The following FAM181A variants were observed in gnomAD, a reference collection of about 807,000 sequenced individuals.
The protein encoded by FAM181A is protein FAM181A.
In FAM181A, 7 loss-of-function variants were observed where a neutral mutation model predicts 16.3. The ratio of observed to expected loss-of-function variants is 0.43; its 90% CI spans 0.24 to 0.81. FAM181A has a LOEUF of 0.81. Ranked by LOEUF, FAM181A falls within the 30% of genes least tolerant of loss-of-function variation. The pLI, the probability that FAM181A is intolerant of heterozygous loss-of-function variation, is 0.24. For missense variants in FAM181A, 349 were observed against 377.5 expected (o/e 0.92, Z 0.63); for synonymous variants, 183 against 164.9 (o/e 1.11, Z -0.84).
Position 93,928,213 on chromosome 14 carries a change from C to T in FAM181A, c.-73C>T. 1 of 1,613,204 alleles carries T rather than the reference C, an allele frequency of 6.2e-7. No individual in the cohort carries two copies. Among genetic ancestry groups the T allele is most frequent in the South Asian group, 1.1e-5 (1 of 91,062 alleles). On this transcript the variant is annotated 5_prime_UTR_variant, in exon 2 of 2. Coordinates refer to ENST00000556222, the MANE Select transcript of FAM181A (RefSeq NM_001207073.2). The stretch of plus-strand genomic sequence containing the variant: ...TTGTCCCCCAGGTCAGCTCGGTGCC[C>T]TTCCTTGGAGCTGCCGGCCACCAGC...
upstream of FAM181A, chr14:93,927,264 A>G: frequency 9.9e-7 from 1 of 1,011,612 alleles, no homozygotes; most frequent in Non-Finnish European, 1.2e-6. Context: ...GATGCTTTGT[A>G]TCTGGAGAGG....
In FAM181A at chr14:93,928,604, G is replaced by T. The variant is rs755614364; in HGVS notation, c.319G>T (p.Glu107Ter). ...GGTGCTGAGGAACCCCTACAGGGAG[G>T]AATGTCTTGCTAAGGAGCAGCTCCC... ...EKVLRNPYREECLAKEQLPQR... is the reference protein window; with the variant it reads ...EKVLRNPYRE Residue 107 changes from glutamate (E) to a stop codon, truncating the protein, a stop_gained, in exon 2 of 2, where the codon GAA becomes TAA. Coordinates refer to ENST00000556222, the MANE Select transcript of FAM181A (RefSeq NM_001207073.2). LOFTEE classifies it high-confidence loss of function. 1.2e-6 allele frequency: 2 copies of T among 1,613,958 alleles called. No homozygotes were observed. Among genetic ancestry groups the T allele is most frequent in the South Asian group, 1.1e-5 (1 of 91,086 alleles).
Position 93,927,453 on chromosome 14 carries a change from C to T in FAM181A, c.-89C>T, listed in dbSNP as rs374430131. 598 of 1,226,094 alleles carry T rather than the reference C, an allele frequency of 4.9e-4. 5 individuals carry two copies. In the East Asian group the frequency reaches 0.024, roughly 49 times the overall value. 76.0% of individuals were successfully genotyped at this position (1,226,094 alleles called of 1,614,324 possible). A position where few individuals can be genotyped will look rare whatever the true frequency, so the allele number is the denominator to read the frequency against. ...GTTGGTGGGGCCTGGGCCGCACCTT[C>T]GGTCAGTGTGGAGGCCCGGTGGCTC... On this transcript the variant is annotated splice_region_variant and 5_prime_UTR_variant, in exon 1 of 2. Coordinates refer to ENST00000556222, the MANE Select transcript of FAM181A (RefSeq NM_001207073.2).
chr14:93,919,707 G>A (rs1235103130), intron 1 of FAM181A, among the ~76,000 whole-genome samples: 1 of 152,156 alleles, frequency 6.6e-6, no homozygotes, highest in Non-Finnish European at 1.5e-5. Context: ...TGCCGAGAAA[G>A]TCCCACATAG....
rs150198804 is a variant in FAM181A, at chr14:93,929,168, C to G, written c.*4C>G. ...CAATGTCTTTGGCTACCTCTAGCCA[C>G]GCGGAGAGGGCCTCAGCCCCCACCT... On this transcript the variant is annotated 3_prime_UTR_variant, in exon 2 of 2. Coordinates refer to ENST00000556222, the MANE Select transcript of FAM181A (RefSeq NM_001207073.2). The G allele has an allele frequency of 4.0e-6, 6 of 1,512,628 alleles. No individual in the cohort carries two copies. The East Asian group carries it at 1.1e-4, about 29-fold the overall frequency. The allele number at this position is 1,512,628 out of a possible 1,614,324, so 93.7% of individuals were successfully genotyped here. A position where few individuals can be genotyped will look rare whatever the true frequency, so the allele number is the denominator to read the frequency against.
In FAM181A at chr14:93,927,367, G is replaced by C; in HGVS notation, c.-175G>C. 8.8e-7 allele frequency: 1 copy of C among 1,133,640 alleles called. No individual in the cohort carries two copies. The highest frequency in any genetic ancestry group is 1.1e-6 in the Non-Finnish European group (1 of 912,854). 70.2% of individuals were successfully genotyped at this position (1,133,640 alleles called of 1,614,324 possible). On this transcript the variant is annotated 5_prime_UTR_variant, in exon 1 of 2. Transcript: ENST00000556222. The stretch of plus-strand genomic sequence containing the variant: ...TTGCACAACTGCTTCCAGCCGGACG[G>C]AGCTCGGCCGGCTGCGCCGGGGCCT...
upstream of FAM181A, among the ~76,000 whole-genome samples, chr14:93,924,628 G>A (rs1333023221): frequency 1.5e-4 from 23 of 152,218 alleles, no homozygotes; most frequent in African/African-American, 4.8e-5. Context: ...ATATTCCTGA[G>A]TTGGGAAGGT....
intron 1 of FAM181A, among the ~76,000 whole-genome samples, chr14:93,919,619 AG>A (rs1887649176): frequency 1.3e-5 from 2 of 152,234 alleles, no homozygotes; most frequent in East Asian, 3.8e-4. Flanking sequence ...TGTACATAGT[AG>A]GTGTCCACTA....
At chr14:93,919,243 A>C (rs866630212) in intron 1 of FAM181A, among the ~76,000 whole-genome samples, 1 of 152,180 alleles carries the variant, frequency 6.6e-6, no homozygotes, top group African/African-American at 2.4e-5. Flanking sequence ...TGATGTCTTA[A>C]TCCTCATTAT....
At chr14:93,921,740 G>T (rs1887733779) in intron 1 of FAM181A, among the ~76,000 whole-genome samples, 1 of 152,064 alleles carries the variant, frequency 6.6e-6, no homozygotes, top group South Asian at 2.1e-4. Flanking sequence ...AGAGTCTGTA[G>T]CCCTGGGCTA....
At chr14:93,924,998 C>T (rs1887847139), upstream of FAM181A, 1 of 478,212 alleles carries the variant, frequency 2.1e-6, no homozygotes, top group Admixed American at 4.2e-5. Flanking sequence ...TTTTCTCTCC[C>T]TTTCCTTTCT....
At chr14:93,923,586 TC>T (rs1318254887), upstream of FAM181A, 1 of 152,282 alleles carries the variant, frequency 6.6e-6, no homozygotes, top group African/African-American at 2.4e-5. Flanking sequence ...CTCCACACCC[TC>T]TGGTCCCTGC....
rs567726188 is a variant in FAM181A at position 93,927,386 on chromosome 14, G to A, written c.-156G>A. 29 of 1,141,248 alleles carry A rather than the reference G, an allele frequency of 2.5e-5. No homozygotes were observed. The highest frequency in any genetic ancestry group is 2.3e-4 in the South Asian group (13 of 56,712). The allele number at this position is 1,141,248 out of a possible 1,614,324, so 70.7% of individuals were successfully genotyped here. ...CGGACGGAGCTCGGCCGGCTGCGCCGGGGCCTGTCCCAGGTCTGCAGTGGG... is the reference window on the plus strand; with the variant it reads ...CGGACGGAGCTCGGCCGGCTGCGCCAGGGCCTGTCCCAGGTCTGCAGTGGG... On this transcript the variant is annotated 5_prime_UTR_variant, in exon 1 of 2. Transcript: ENST00000556222.
chr14:93,928,064 C>T, intron 1 of FAM181A, 135 bp from the exon 2 acceptor site: 1 of 1,381,468 alleles, frequency 7.2e-7, no homozygotes, highest in Non-Finnish European at 9.7e-7. Context: ...GCACCCACAT[C>T]CCTCTACCCA....
Position 93,928,942 on chromosome 14 carries a change from T to C in FAM181A, c.657T>C (p.His219=), listed in dbSNP as rs764626702. The C allele has an allele frequency of 6.2e-6, 10 of 1,613,912 alleles. No homozygotes were observed. The Admixed American group carries it at 1.3e-4, about 22-fold the overall frequency. Residue 219 remains histidine, a synonymous_variant, in exon 2 of 2, where the codon CAT becomes CAC. Transcript: ENST00000556222. ...NAWSCCPFQY[H]GQPIYPGPLG... ...GGAGTTGCTGCCCCTTCCAGTACCATGGACAGCCCATCTATCCGGGCCCCC... is the reference window on the plus strand; with the variant it reads ...GGAGTTGCTGCCCCTTCCAGTACCACGGACAGCCCATCTATCCGGGCCCCC...
At chr14:93,927,613 G>C (rs573354110) in intron 1 of FAM181A, 159 bp downstream of exon 1, 23 of 1,286,824 alleles carry the variant, frequency 1.8e-5, no homozygotes, top group Non-Finnish European at 2.3e-5. Flanking sequence ...CGCAGCCTGA[G>C]ATCAGCCCGC....
intron 1 of FAM181A, among the ~76,000 whole-genome samples, chr14:93,919,395 G>C (rs1362435412): frequency 6.6e-6 from 1 of 152,130 alleles, no homozygotes; most frequent in African/African-American, 2.4e-5. Flanking sequence ...TTGGCTGTGG[G>C]GTCTTCGTCA....
chr14:93,921,403 C>T (rs118012116), intron 1 of FAM181A, among the ~76,000 whole-genome samples: 2,780 of 152,298 alleles, frequency 0.018, 50 homozygotes, highest in Middle Eastern at 0.041. Context: ...TCTGCCTCCT[C>T]TGAGGGCACA....
At chr14:93,923,980 C>G (rs1887814996), upstream of FAM181A, 1 of 152,220 alleles carries the variant, frequency 6.6e-6, no homozygotes, top group South Asian at 2.1e-4. Flanking sequence ...TGAAAGAACT[C>G]CCTTCCCTTC....
Sources: gnomAD v4.1 joint callset for allele counts (sites outside exome capture counted in the v4.1 genomes callset) on GRCh38, gnomAD v4.1.1 for gene constraint, MANE v1.5 for transcripts, NCBI Gene and HGNC (gene_info 2026-07-23, HGNC 2026-07-21) for gene names.